The following PHACTR1 variants were observed in gnomAD, a reference collection of about 807,000 sequenced individuals.
PHACTR1 encodes the protein RPEL repeat containing 1.
PHACTR1 carries 16 observed loss-of-function variants against 69.2 expected under a neutral mutation model. The observed-to-expected ratio is 0.23, with a 90% CI of 0.16 to 0.35. PHACTR1 has a LOEUF of 0.35. PHACTR1 is among the 10% of genes least tolerant of loss of function. PHACTR1 has a pLI of 1.00. For synonymous variants in PHACTR1, 312 were observed against 284.5 expected, an observed-to-expected ratio of 1.10 and a Z score of -0.97; for missense variants, 510 against 734.7, an observed-to-expected ratio of 0.69 and a Z score of 3.54.
Position 12,718,687 on chromosome 6 carries a change from TCC to T in PHACTR1, c.-46-11_-46-10del. On this transcript the variant is annotated splice_polypyrimidine_tract_variant and intron_variant, in intron 2 of 14. Transcript: ENST00000332995. ...GTCTAAAATATTGTGGATTTTTTTTTCCTCTTTATAGGTGTTCCAGTGTTTTC... is the reference window on the plus strand; with the variant it reads ...GTCTAAAATATTGTGGATTTTTTTTTTCTTTATAGGTGTTCCAGTGTTTTC... The T allele has an allele frequency of 5.9e-6, 5 of 841,866 alleles. No individual in the cohort carries two copies. Among genetic ancestry groups the T allele is most frequent in the Non-Finnish European group, 9.1e-6 (5 of 552,400 alleles). 52.1% of individuals were successfully genotyped at this position (841,866 alleles called of 1,614,324 possible).
Position 13,286,180 on chromosome 6 carries a change from G to T in PHACTR1, c.1685G>T (p.Ser562Ile), listed in dbSNP as rs756875169. 4 of 1,607,640 alleles carry T rather than the reference G, an allele frequency of 2.5e-6. No homozygotes were observed. In the South Asian group the frequency reaches 4.5e-5, roughly 18 times the overall value. Reference protein sequence around the residue: ...AIRKELNEFKSTEMEVHELSR... With the variant: ...AIRKELNEFKITEMEVHELSR... ...CGAAAGGAGCTCAATGAATTCAAAA[G>T]CACTGAGATGGAAGTTCATGAATTG... Residue 562 changes from serine (S) to isoleucine (I), a missense_variant, in exon 14 of 15, where the codon AGC becomes ATC. Transcript: ENST00000332995.
chr6:12,944,252 C>T (rs1465512952), intron 4 of PHACTR1, among the ~76,000 whole-genome samples: 3 of 152,146 alleles, frequency 2.0e-5, no homozygotes, highest in Non-Finnish European at 4.4e-5. Flanking sequence ...ACGCTGAGTC[C>T]AACTCCTGGG....
intron 5 of PHACTR1, among the ~76,000 whole-genome samples, chr6:13,124,304 G>T (rs1819188167): frequency 6.6e-6 from 1 of 152,138 alleles, no homozygotes; most frequent in Non-Finnish European, 1.5e-5. Flanking sequence ...GTGTTCCTGG[G>T]GCTCATGTCA....
chr6:13,229,277 C>T (rs939194585), intron 9 of PHACTR1, among the ~76,000 whole-genome samples: 2 of 152,200 alleles, frequency 1.3e-5, no homozygotes, highest in South Asian at 2.1e-4. Context: ...ATGCCAGTAG[C>T]ACCCTCTGCC....
At chr6:12,886,067 C>T (rs573975044) in intron 4 of PHACTR1, among the ~76,000 whole-genome samples, 5 of 152,212 alleles carry the variant, frequency 3.3e-5, no homozygotes, top group South Asian at 4.1e-4. Flanking sequence ...TCCACTCCAG[C>T]GTGGGTGACA....
intron 4 of PHACTR1, among the ~76,000 whole-genome samples, chr6:12,834,211 G>A (rs1777900488): frequency 6.6e-6 from 1 of 152,116 alleles, no homozygotes; most frequent in African/African-American, 2.4e-5. Context: ...ACAATGTCTA[G>A]CACATAGGTA....
At chr6:12,724,278 G>A (rs1486078074) in intron 3 of PHACTR1, among the ~76,000 whole-genome samples, 3 of 152,152 alleles carry the variant, frequency 2.0e-5, no homozygotes, top group Non-Finnish European at 4.4e-5. Context: ...AGTGAACCGA[G>A]ATCGCACCAT....
chr6:13,147,746 A>C (rs530199270), intron 5 of PHACTR1, among the ~76,000 whole-genome samples: 17 of 152,198 alleles, frequency 1.1e-4, no homozygotes, highest in Non-Finnish European at 2.1e-4. Context: ...CTCAGAAACT[A>C]TTGCAATAGT....
chr6:12,970,268 C>A (rs979105561), intron 4 of PHACTR1, among the ~76,000 whole-genome samples: 2 of 152,146 alleles, frequency 1.3e-5, no homozygotes, highest in Non-Finnish European at 2.9e-5. Context: ...CAATAATTAG[C>A]CAACAGGAGC....
chr6:13,041,339 T>TACACACACAC (rs368368056), intron 4 of PHACTR1, among the ~76,000 whole-genome samples: 13,099 of 135,194 alleles, frequency 0.097, 735 homozygotes, highest in East Asian at 0.17. Flanking sequence ...TTAAAATACA[T>TACACACACAC]ACACACACAC....
intron 5 of PHACTR1, among the ~76,000 whole-genome samples, chr6:13,060,111 A>T (rs769087267): frequency 1.5e-4 from 23 of 152,302 alleles, no homozygotes; most frequent in Non-Finnish European, 2.6e-4. Flanking sequence ...CACCAAGAAC[A>T]GAAGGCATCC....
intron 5 of PHACTR1, among the ~76,000 whole-genome samples, chr6:13,138,428 A>G (rs1430377844): frequency 6.6e-6 from 1 of 152,200 alleles, no homozygotes; most frequent in Non-Finnish European, 1.5e-5. Context: ...ATTAGAACAA[A>G]CAGCAAATAT....
chr6:12,820,642 G>T lies in PHACTR1; in HGVS notation c.250+70852G>T, dbSNP rs576527207. 4.6e-5 allele frequency among the ~76,000 whole-genome samples: 7 copies of T among 152,150 alleles called. No individual in the cohort carries two copies. In the East Asian group the frequency reaches 7.7e-4, roughly 17 times the overall value. On this transcript the variant is annotated intron_variant, in intron 4 of 14. Transcript: ENST00000332995. ...TATACTTTGAGTGTCTTTACATAAG[G>T]GTTACTCAACCAGGAGATTTACAAA...
At chr6:12,777,372 G>GT (rs1452680707) in intron 4 of PHACTR1, among the ~76,000 whole-genome samples, 1 of 151,884 alleles carries the variant, frequency 6.6e-6, no homozygotes, top group Non-Finnish European at 1.5e-5. Context: ...CCAATAGGTA[G>GT]TTTTTCAATC....
Position 13,082,606 on chromosome 6 carries a change from C to T in PHACTR1, c.415+29077C>T, listed in dbSNP as rs1583278516. Among the ~76,000 whole-genome samples the T allele has an allele frequency of 1.3e-5, 2 of 152,266 alleles. 1 individual carries two copies. The highest frequency in any genetic ancestry group is 2.9e-5 in the Non-Finnish European group (2 of 68,036). ...CTATTTCTCCACAACTTCTCCAGCACCTGTTGTTTCCTGACTTATTAATGA... is the reference window on the plus strand; with the variant it reads ...CTATTTCTCCACAACTTCTCCAGCATCTGTTGTTTCCTGACTTATTAATGA... On this transcript the variant is annotated intron_variant, in intron 5 of 14. Coordinates refer to ENST00000332995, the MANE Select transcript of PHACTR1 (RefSeq NM_030948.6).
chr6:12,739,487 C>G (rs1764754186), intron 3 of PHACTR1, among the ~76,000 whole-genome samples: 2 of 151,944 alleles, frequency 1.3e-5, no homozygotes, highest in Non-Finnish European at 2.9e-5. Flanking sequence ...TGCGGTAATT[C>G]TCAAACTGAT....
chr6:12,771,777 G>A (rs1174563399), intron 4 of PHACTR1, among the ~76,000 whole-genome samples: 1 of 152,184 alleles, frequency 6.6e-6, no homozygotes, highest in Non-Finnish European at 1.5e-5. Flanking sequence ...ATTGGGATCA[G>A]ACTCCCATGG....
At chr6:12,849,653 C>T (rs1243637292) in intron 4 of PHACTR1, among the ~76,000 whole-genome samples, 2 of 152,040 alleles carry the variant, frequency 1.3e-5, no homozygotes, top group Non-Finnish European at 2.9e-5. Context: ...ACCGATGAGG[C>T]CTGGCATAGT....
rs552212760 is a variant in PHACTR1 at position 13,172,236 on chromosome 6, G to A, written c.497-10283G>A. Among the ~76,000 whole-genome samples, 5 of 152,216 alleles carry A rather than the reference G, an allele frequency of 3.3e-5. No homozygotes were observed. In the South Asian group the frequency reaches 1.0e-3, roughly 32 times the overall value. ...TTTATATTCAATCTCTGCCCCAGTT[G>A]CATTTTTTATATCAAAATGCCCAGA... On this transcript the variant is annotated intron_variant, in intron 6 of 14. Coordinates refer to ENST00000332995, the MANE Select transcript of PHACTR1 (RefSeq NM_030948.6).
Sources: gnomAD v4.1 joint callset for allele counts (sites outside exome capture counted in the v4.1 genomes callset) on GRCh38, gnomAD v4.1.1 for gene constraint, MANE v1.5 for transcripts, NCBI Gene and HGNC (gene_info 2026-07-23, HGNC 2026-07-21) for gene names.